IQCJ: variants seen among roughly 807,000 people sequenced by gnomAD.
The protein encoded by IQCJ is IQ domain-containing protein J.
IQCJ carries 9 observed loss-of-function variants against 11.0 expected under a neutral mutation model. That is an observed-to-expected ratio of 0.82 (90% CI 0.49 to 1.43). The LOEUF is 1.43. IQCJ is among the 40% of genes most tolerant of loss of function. The pLI, the probability that IQCJ is intolerant of heterozygous loss-of-function variation, is 0.00. For missense variants in IQCJ, 146 were observed against 133.2 expected (o/e 1.10, Z -0.47); for synonymous variants, 55 against 51.3 (o/e 1.07, Z -0.31).
intron 1 of IQCJ, among the ~76,000 whole-genome samples, chr3:159,164,611 T>C (rs1263972085): frequency 1.3e-5 from 2 of 151,948 alleles, no homozygotes; most frequent in South Asian, 2.1e-4. Context: ...CTAGTAAAAA[T>C]ACAAAAATTA....
At chr3:159,172,491 C>T (rs948926872) in intron 1 of IQCJ, among the ~76,000 whole-genome samples, 3 of 151,904 alleles carry the variant, frequency 2.0e-5, no homozygotes, top group African/African-American at 7.3e-5. Context: ...AACTGTATAA[C>T]AGCACCATAT....
rs574640880 is a variant in IQCJ, at chr3:159,232,409, C to G, written c.10-13434C>G. ...TTTACCCAGTAGTCTCATTCAGGAG[C>G]AGGTTGTTCAGTTTCCGTGTAGTGC... On this transcript the variant is annotated intron_variant, in intron 1 of 3. Coordinates refer to ENST00000397832, the MANE Select transcript of IQCJ (RefSeq NM_001042706.3). Among the ~76,000 whole-genome samples, 44 of 150,572 alleles carry G rather than the reference C, an allele frequency of 2.9e-4. 1 individual carries two copies. Among genetic ancestry groups the G allele is most frequent in the African/African-American group, 1.0e-3 (41 of 40,972 alleles).
intron 3 of IQCJ, among the ~76,000 whole-genome samples, chr3:159,257,426 A>G (rs1727956994): frequency 6.6e-6 from 1 of 152,198 alleles, no homozygotes; most frequent in Non-Finnish European, 1.5e-5. Context: ...GAACATTGAC[A>G]TTCTTGACAG....
At position 159,263,539 on chromosome 3, in the gene IQCJ, A is replaced by T; in HGVS notation, c.*808A>T. ...TTAAGCATTGTGATAATTTGTAACC[A>T]GTCACTGAAATGCTGAAAAGTTAGA... On this transcript the variant is annotated 3_prime_UTR_variant, in exon 4 of 4. Transcript: ENST00000397832. The T allele has an allele frequency of 5.1e-6, 5 of 985,194 alleles. No homozygotes were observed. The highest frequency in any genetic ancestry group is 6.0e-6 in the Non-Finnish European group (5 of 829,714). The allele number at this position is 985,194 out of a possible 1,614,324, so 61.0% of individuals were successfully genotyped here.
intron 3 of IQCJ, among the ~76,000 whole-genome samples, chr3:159,260,084 A>C (rs993380530): frequency 3.9e-5 from 6 of 152,208 alleles, no homozygotes; most frequent in African/African-American, 1.4e-4. Flanking sequence ...TTAACTAGGA[A>C]GAAAATAATG....
In IQCJ at chr3:159,263,527, T is replaced by G; in HGVS notation, c.*796T>G. 2 of 985,140 alleles carry G rather than the reference T, an allele frequency of 2.0e-6. No homozygotes were observed. The highest frequency in any genetic ancestry group is 9.4e-5 in the South Asian group (2 of 21,276). The allele number at this position is 985,140 out of a possible 1,614,324, so 61.0% of individuals were successfully genotyped here. On this transcript the variant is annotated 3_prime_UTR_variant, in exon 4 of 4. Coordinates refer to ENST00000397832, the MANE Select transcript of IQCJ (RefSeq NM_001042706.3). ...GATTTTGTGGATTTAAGCATTGTGA[T>G]AATTTGTAACCAGTCACTGAAATGC...
At position 159,096,315 on chromosome 3, in the gene IQCJ, T is replaced by C. The variant is rs1196625989; in HGVS notation, c.9+26874T>C. Reference sequence around the variant, plus strand: ...GAAAATTTTCTCCCATTTTATAGGTTGCCTGTTCACTCTGATGGTAGTTTC... The same window carrying C: ...GAAAATTTTCTCCCATTTTATAGGTCGCCTGTTCACTCTGATGGTAGTTTC... On this transcript the variant is annotated intron_variant, in intron 1 of 3. Transcript: ENST00000397832. Among the ~76,000 whole-genome samples, 47 of 150,892 alleles carry C rather than the reference T, an allele frequency of 3.1e-4. 1 individual carries two copies. The highest frequency in any genetic ancestry group is 1.1e-3 in the African/African-American group (45 of 40,562).
rs1717323257 is a variant in IQCJ, at chr3:159,091,698, A to ACG, written c.9+22258_9+22259insGC. ...TGCACACACACACACACACACACAC[A>ACG]CACACACACACACACACGGCAGCTT... On this transcript the variant is annotated intron_variant, in intron 1 of 3. Transcript: ENST00000397832. Among the ~76,000 whole-genome samples the ACG allele has an allele frequency of 3.3e-5, 5 of 150,724 alleles. 1 individual carries two copies. The highest frequency in any genetic ancestry group is 1.2e-4 in the African/African-American group (5 of 40,580).
At chr3:159,232,788 T>G (rs1469010237) in intron 1 of IQCJ, among the ~76,000 whole-genome samples, 6 of 152,206 alleles carry the variant, frequency 3.9e-5, no homozygotes, top group Admixed American at 2.0e-4. Context: ...GTTAATTTTC[T>G]GTCTTGTTGA....
At chr3:159,160,576 C>T (rs1469804843) in intron 1 of IQCJ, among the ~76,000 whole-genome samples, 8 of 151,748 alleles carry the variant, frequency 5.3e-5, no homozygotes, top group African/African-American at 1.9e-4. Context: ...TACATGTGCA[C>T]AATGTGCAGG....
At chr3:159,169,751 G>C (rs1054830074) in intron 1 of IQCJ, among the ~76,000 whole-genome samples, 6 of 152,142 alleles carry the variant, frequency 3.9e-5, no homozygotes, top group African/African-American at 7.2e-5. Context: ...TGAACTTGAG[G>C]GTAATTTTGA....
intron 1 of IQCJ, among the ~76,000 whole-genome samples, chr3:159,094,467 T>A (rs1717582937): frequency 7.0e-6 from 1 of 142,846 alleles, no homozygotes; most frequent in Non-Finnish European, 1.5e-5. Flanking sequence ...AAGTTTTAAA[T>A]ATATGTCCAT....
intron 1 of IQCJ, among the ~76,000 whole-genome samples, chr3:159,240,647 C>T (rs1560039021): frequency 6.6e-6 from 1 of 152,180 alleles, no homozygotes; most frequent in East Asian, 1.9e-4. Flanking sequence ...CTCACCACAA[C>T]ATACATAAAA....
chr3:159,086,895 T>A (rs1056191530), intron 1 of IQCJ, among the ~76,000 whole-genome samples: 3 of 152,120 alleles, frequency 2.0e-5, no homozygotes, highest in South Asian at 4.1e-4. Context: ...TTTTCCTAAT[T>A]GAATACCCTT....
At chr3:159,187,654 G>A (rs1284009245) in intron 1 of IQCJ, among the ~76,000 whole-genome samples, 1 of 152,198 alleles carries the variant, frequency 6.6e-6, no homozygotes, top group Non-Finnish European at 1.5e-5. Flanking sequence ...TCTTCTTAAC[G>A]GCAGACGTTA....
chr3:159,167,305 T>C (rs1253348429), intron 1 of IQCJ, among the ~76,000 whole-genome samples: 1 of 152,232 alleles, frequency 6.6e-6, no homozygotes, highest in East Asian at 1.9e-4. Flanking sequence ...AGCAGAATAA[T>C]TGATTTCCAT....
chr3:159,227,887 G>A (rs771986229), intron 1 of IQCJ, among the ~76,000 whole-genome samples: 7 of 152,268 alleles, frequency 4.6e-5, no homozygotes, highest in Admixed American at 1.3e-4. Flanking sequence ...TGAGTATTTC[G>A]CATTGAAGAG....
At chr3:159,257,578 A>C (rs565858443) in intron 3 of IQCJ, among the ~76,000 whole-genome samples, 1 of 152,286 alleles carries the variant, frequency 6.6e-6, no homozygotes, top group African/African-American at 2.4e-5. Context: ...GTGGAGGGGA[A>C]GCAGGCTGGA....
intron 1 of IQCJ, among the ~76,000 whole-genome samples, chr3:159,161,466 C>T (rs1481800741): frequency 1.3e-5 from 2 of 152,010 alleles, no homozygotes; most frequent in Non-Finnish European, 2.9e-5. Context: ...AAAATTTTCT[C>T]CCAATTTGTA....
Sources: gnomAD v4.1 joint callset for allele counts (sites outside exome capture counted in the v4.1 genomes callset) on GRCh38, gnomAD v4.1.1 for gene constraint, MANE v1.5 for transcripts, NCBI Gene and HGNC (gene_info 2026-07-23, HGNC 2026-07-21) for gene names.